NELL2: variants seen among roughly 807,000 people sequenced by gnomAD.
The protein encoded by NELL2 is neural EGFL like 2, also known as protein kinase C-binding protein NELL2.
A neutral mutation model predicts 109.6 loss-of-function variants in NELL2; 41 were observed. The ratio of observed to expected loss-of-function variants is 0.37; its 90% CI spans 0.29 to 0.49. NELL2 has a LOEUF of 0.49. Among genes scored for constraint, NELL2 ranks in the 20% least tolerant of loss-of-function variants. The pLI, the probability that NELL2 is intolerant of heterozygous loss-of-function variation, is 0.98. For synonymous variants in NELL2, 355 were observed against 344.7 expected (o/e 1.03, Z -0.33); for missense variants, 900 against 1,008.3 (o/e 0.89, Z 1.45).
chr12:44,885,453 G>A (rs1945459880), intron 1 of NELL2, among the ~76,000 whole-genome samples: 1 of 151,740 alleles, frequency 6.6e-6, no homozygotes, highest in South Asian at 2.1e-4. Context: ...AGAATACAAA[G>A]TCAATATACA....
chr12:44,679,587 T>C (rs1948429369), intron 12 of NELL2, among the ~76,000 whole-genome samples: 1 of 152,088 alleles, frequency 6.6e-6, no homozygotes. Context: ...CACAGAACCT[T>C]TGTGAAGTTG....
At chr12:44,611,231 C>A (rs965597638) in intron 13 of NELL2, among the ~76,000 whole-genome samples, 1 of 151,928 alleles carries the variant, frequency 6.6e-6, no homozygotes, top group Non-Finnish European at 1.5e-5. Context: ...AGAGGGGAGG[C>A]AAAGATGAGG....
At chr12:44,875,037 G>T in intron 2 of NELL2, 188 bp downstream of exon 2, 1 of 675,038 alleles carries the variant, frequency 1.5e-6, no homozygotes, top group Non-Finnish European at 2.4e-6. Context: ...CGAAGGAGAA[G>T]GGTGAGGCAG....
intron 15 of NELL2, among the ~76,000 whole-genome samples, chr12:44,553,388 C>T (rs1399681196): frequency 6.6e-6 from 1 of 152,010 alleles, no homozygotes; most frequent in Non-Finnish European, 1.5e-5. Flanking sequence ...AGAATAACTG[C>T]TAGTTTTAGA....
At chr12:44,774,561 A>T (rs1941673573) in intron 9 of NELL2, 186 bp downstream of exon 9, 1 of 576,528 alleles carries the variant, frequency 1.7e-6, no homozygotes, top group African/African-American at 1.9e-5. Flanking sequence ...TCCTACTGGA[A>T]TAGGGGCATA....
At chr12:44,655,811 T>C (rs746614592) in intron 13 of NELL2, among the ~76,000 whole-genome samples, 3 of 152,244 alleles carry the variant, frequency 2.0e-5, no homozygotes, top group Non-Finnish European at 2.9e-5. Context: ...ATTGTCATAA[T>C]AGATAATGAA....
chr12:44,908,112 G>A (rs916425638), intron 1 of NELL2, among the ~76,000 whole-genome samples: 3 of 151,966 alleles, frequency 2.0e-5, no homozygotes, highest in East Asian at 1.9e-4. Context: ...ACATCTAGAA[G>A]TATGGAAATG....
intron 13 of NELL2, among the ~76,000 whole-genome samples, chr12:44,643,690 C>T (rs7976217): frequency 0.068 from 10,404 of 152,120 alleles, 504 homozygotes; most frequent in Non-Finnish European, 0.1. Context: ...TAGGGTTCCA[C>T]GTAGATGCAG....
chr12:44,654,273 G>A (rs1451566097), intron 13 of NELL2, among the ~76,000 whole-genome samples: 1 of 152,170 alleles, frequency 6.6e-6, no homozygotes, highest in Non-Finnish European at 1.5e-5. Flanking sequence ...CAGCTTATGG[G>A]TTTTTCACAA....
intron 15 of NELL2, among the ~76,000 whole-genome samples, chr12:44,601,352 CT>C (rs1565998959): frequency 6.6e-6 from 1 of 152,068 alleles, no homozygotes; most frequent in African/African-American, 2.4e-5. Context: ...ACACTAAGAA[CT>C]TTTGACTACT....
rs1390662652 is a variant in NELL2 at position 44,913,920 on chromosome 12, G to A, written c.-84C>T. ...TCCTTATTTCAGTAAATGTTAGATG[G>A]ATCCTTCTGATTGCTCAGGCCAAAA... On this transcript the variant is annotated 5_prime_UTR_variant, in exon 1 of 21. Transcript: ENST00000333837. 17 of 425,948 alleles carry A rather than the reference G, an allele frequency of 4.0e-5. No individual in the cohort carries two copies. The East Asian group carries it at 1.1e-3, about 28-fold the overall frequency. 26.4% of individuals were successfully genotyped at this position (425,948 alleles called of 1,614,324 possible). A position where few individuals can be genotyped will look rare whatever the true frequency, so the allele number is the denominator to read the frequency against.
chr12:44,836,003 G>T (rs1944042476), intron 2 of NELL2, among the ~76,000 whole-genome samples: 1 of 152,200 alleles, frequency 6.6e-6, no homozygotes, highest in Non-Finnish European at 1.5e-5. Context: ...CACTGCTAGG[G>T]CATAAGGTAT....
At chr12:44,843,800 T>G (rs1944295430) in intron 2 of NELL2, among the ~76,000 whole-genome samples, 1 of 152,090 alleles carries the variant, frequency 6.6e-6, no homozygotes, top group South Asian at 2.1e-4. Context: ...GACAGGCAGA[T>G]TGCTTATGCC....
At chr12:44,872,569 A>G (rs1945193859) in intron 2 of NELL2, among the ~76,000 whole-genome samples, 2 of 152,164 alleles carry the variant, frequency 1.3e-5, no homozygotes, top group Admixed American at 6.5e-5. Context: ...GCACAAGGAA[A>G]AGCAATATTA....
chr12:44,714,214 A>G (rs931515212), intron 10 of NELL2, among the ~76,000 whole-genome samples: 11 of 152,020 alleles, frequency 7.2e-5, no homozygotes, highest in African/African-American at 2.7e-4. Context: ...AAAGGGAATT[A>G]GATAAATATC....
chr12:44,586,337 G>A (rs943718080), intron 15 of NELL2, among the ~76,000 whole-genome samples: 34 of 149,726 alleles, frequency 2.3e-4, no homozygotes, highest in South Asian at 1.7e-3. Context: ...CATATATATC[G>A]TATGTATGTC....
At chr12:44,672,536 T>C (rs1353456954) in intron 12 of NELL2, among the ~76,000 whole-genome samples, 1 of 152,168 alleles carries the variant, frequency 6.6e-6, no homozygotes. Context: ...ACTACTACCA[T>C]AGATGTAGCC....
Position 44,520,188 on chromosome 12 carries a change from C to T in NELL2, c.2217G>A (p.Val739=), listed in dbSNP as rs765992627. 6.8e-6 allele frequency: 11 copies of T among 1,613,452 alleles called. No homozygotes were observed. The highest frequency in any genetic ancestry group is 1.7e-5 in the Admixed American group (1 of 59,832). The change falls in exon 19 of 20, where the codon GTG becomes GTA. Residue 739 remains valine, a synonymous_variant. Coordinates refer to ENST00000429094, the MANE Select transcript of NELL2 (RefSeq NM_001145108.2). Reference sequence around the variant, plus strand: ...CTGGGAGAATGCTGAATTCACACTCCACATCTGGGCAAGGCAGGGGCCAAC... The same window carrying T: ...CTGGGAGAATGCTGAATTCACACTCTACATCTGGGCAAGGCAGGGGCCAAC... ...VDCWPLPCPD[V]ECEFSILPEN...
intron 15 of NELL2, among the ~76,000 whole-genome samples, chr12:44,543,999 G>A (rs758963007): frequency 2.0e-5 from 3 of 151,988 alleles, no homozygotes; most frequent in Non-Finnish European, 2.9e-5. Context: ...CATAGGTAAA[G>A]CATGAGATAT....
Sources: gnomAD v4.1 joint callset for allele counts (sites outside exome capture counted in the v4.1 genomes callset) on GRCh38, gnomAD v4.1.1 for gene constraint, MANE v1.5 for transcripts, NCBI Gene and HGNC (gene_info 2026-07-23, HGNC 2026-07-21) for gene names.